TLK1: variants seen among roughly 807,000 people sequenced by gnomAD.
TLK1 encodes tousled like kinase 1, also known as serine/threonine-protein kinase tousled-like 1.
TLK1 carries 24 observed loss-of-function variants against 105.3 expected under a neutral mutation model. The ratio of observed to expected loss-of-function variants is 0.23; its 90% CI spans 0.17 to 0.32. The LOEUF (loss-of-function observed/expected upper bound fraction) is 0.32. TLK1 is among the 10% of genes least tolerant of loss of function. TLK1 has a pLI of 1.00. For synonymous variants in TLK1, 321 were observed against 310.4 expected (o/e 1.03, Z -0.36); for missense variants, 558 against 910.5 (o/e 0.61, Z 4.98).
At chr2:171,066,836 A>G (rs1188476384) in intron 3 of TLK1, 5 of 1,550,804 alleles carry the variant, frequency 3.2e-6, no homozygotes, top group Non-Finnish European at 4.4e-6. Context: ...CCCCTACTCA[A>G]ATTACCTTGC....
chr2:171,071,667 A>C (rs1237541382), intron 3 of TLK1, among the ~76,000 whole-genome samples: 1 of 152,150 alleles, frequency 6.6e-6, no homozygotes, highest in African/African-American at 2.4e-5. Context: ...AATGTCCTGG[A>C]GAGTTTCCCC....
chr2:171,040,620 G>A lies in TLK1; in HGVS notation c.1169+5554C>T, dbSNP rs368941201. On this transcript the variant is annotated intron_variant, in intron 11 of 20. Transcript: ENST00000431350. ...AGGGTCTTCCTCTGTTGCCGAGGCT[G>A]GAGTGGAGTGCAGTAATGCAATCAC... 2.8e-5 allele frequency among the ~76,000 whole-genome samples: 4 copies of A among 141,344 alleles called. 1 individual carries two copies. The Admixed American group carries it at 3.0e-4, about 10-fold the overall frequency. 92.7% of individuals were successfully genotyped at this position (141,344 alleles called of 152,430 possible). A position where few individuals can be genotyped will look rare whatever the true frequency, so the allele number is the denominator to read the frequency against.
chr2:171,117,895 T>G (rs773641670), intron 1 of TLK1, 38 bp from the exon 2 acceptor site: 20 of 1,432,738 alleles, frequency 1.4e-5, no homozygotes, highest in Non-Finnish European at 1.8e-5. Context: ...CACATATATA[T>G]GTGTGTATAC....
intron 2 of TLK1, among the ~76,000 whole-genome samples, chr2:171,104,721 G>C (rs989547923): frequency 1.3e-5 from 2 of 152,174 alleles, no homozygotes; most frequent in Non-Finnish European, 2.9e-5. Context: ...TCCTCCCAAA[G>C]TGCTGGGATT....
intron 1 of TLK1, among the ~76,000 whole-genome samples, chr2:171,194,453 T>C (rs1477261918): frequency 1.3e-5 from 2 of 152,180 alleles, no homozygotes; most frequent in Non-Finnish European, 2.9e-5. Flanking sequence ...CCATTTATTA[T>C]GAAACAAAGT....
At chr2:171,020,396 C>T (rs535290739) in intron 12 of TLK1, among the ~76,000 whole-genome samples, 15 of 151,734 alleles carry the variant, frequency 9.9e-5, no homozygotes, top group African/African-American at 3.1e-4. Flanking sequence ...ATAAATTAGC[C>T]GGGCATGGTG....
At chr2:171,104,147 G>A (rs1397106970) in intron 2 of TLK1, among the ~76,000 whole-genome samples, 2 of 151,828 alleles carry the variant, frequency 1.3e-5, no homozygotes, top group Admixed American at 1.3e-4. Flanking sequence ...ATGGTGGTGG[G>A]CGCCTGTAAT....
chr2:171,189,359 G>T (rs558201849), intron 1 of TLK1, among the ~76,000 whole-genome samples: 2 of 152,136 alleles, frequency 1.3e-5, no homozygotes, highest in South Asian at 4.2e-4. Context: ...GTAGAGACGG[G>T]TTTCACTGTG....
At chr2:171,096,145 A>C (rs1379258109) in intron 2 of TLK1, among the ~76,000 whole-genome samples, 1 of 152,230 alleles carries the variant, frequency 6.6e-6, no homozygotes, top group Admixed American at 6.5e-5. Context: ...TTCCACCAAG[A>C]AACTATTGGA....
At chr2:171,172,626 G>A (rs190231652) in intron 1 of TLK1, among the ~76,000 whole-genome samples, 1 of 152,148 alleles carries the variant, frequency 6.6e-6, no homozygotes, top group East Asian at 1.9e-4. Flanking sequence ...ATAGTGAGTG[G>A]GTTCTCATGA....
intron 11 of TLK1, among the ~76,000 whole-genome samples, chr2:171,035,456 C>T (rs1048916633): frequency 1.1e-4 from 16 of 152,156 alleles, no homozygotes; most frequent in Admixed American, 5.9e-4. Context: ...TCCCCAACCA[C>T]GCGGAACTGT....
chr2:171,149,725 G>A (rs1240137556), intron 1 of TLK1, among the ~76,000 whole-genome samples: 1 of 152,106 alleles, frequency 6.6e-6, no homozygotes, highest in East Asian at 1.9e-4. Flanking sequence ...GGGCAACATA[G>A]GGAGACCATG....
At chr2:171,072,384 G>C (rs528935326) in intron 3 of TLK1, among the ~76,000 whole-genome samples, 2 of 152,192 alleles carry the variant, frequency 1.3e-5, no homozygotes, top group East Asian at 3.9e-4. Flanking sequence ...GAGGCCAAGG[G>C]GGGCGGATCA....
intron 1 of TLK1, among the ~76,000 whole-genome samples, chr2:171,220,257 A>G (rs1042868425): frequency 6.6e-6 from 1 of 152,168 alleles, no homozygotes; most frequent in African/African-American, 2.4e-5. Flanking sequence ...CAGCCTCCCA[A>G]AGATGTGTAC....
intron 1 of TLK1, among the ~76,000 whole-genome samples, chr2:171,152,871 G>C (rs1258090466): frequency 6.6e-6 from 1 of 152,066 alleles, no homozygotes; most frequent in East Asian, 1.9e-4. Flanking sequence ...ATTTTTCATT[G>C]ATGTATCTCT....
At chr2:171,096,360 A>T (rs1558939518) in intron 2 of TLK1, among the ~76,000 whole-genome samples, 1 of 152,146 alleles carries the variant, frequency 6.6e-6, no homozygotes, top group African/African-American at 2.4e-5. Context: ...AACTTTTTTT[A>T]AAATCCCACA....
upstream of TLK1, among the ~76,000 whole-genome samples, chr2:171,161,403 T>C (rs961767585): frequency 2.6e-5 from 4 of 152,158 alleles, no homozygotes; most frequent in Non-Finnish European, 4.4e-5. Flanking sequence ...TGCCCCTCTG[T>C]ACTGTGCAGA....
chr2:171,001,999 G>C (rs533999987), intron 18 of TLK1, among the ~76,000 whole-genome samples: 6 of 151,736 alleles, frequency 4.0e-5, no homozygotes, highest in African/African-American at 9.7e-5. Flanking sequence ...GGATGGTCTC[G>C]ATCTCTTGAC....
intron 1 of TLK1, chr2:171,159,841 A>C: frequency 6.4e-6 from 1 of 155,444 alleles, no homozygotes; most frequent in Non-Finnish European, 1.4e-5. Context: ...GACCGCCTCT[A>C]TGGGAGGAGT....
Sources: allele counts gnomAD v4.1 joint callset (sites outside exome capture counted in the v4.1 genomes callset), GRCh38; gene constraint gnomAD v4.1.1; transcripts MANE v1.5; gene names NCBI Gene and HGNC (gene_info 2026-07-23, HGNC 2026-07-21).